The following CLNK variants were observed in gnomAD, a reference collection of about 807,000 sequenced individuals.
The protein encoded by CLNK is cytokine-dependent hematopoietic cell linker.
Under a neutral mutation model 68.6 loss-of-function variants are expected in CLNK, and 74 were observed. That is an observed-to-expected ratio of 1.08 (90% CI 0.89 to 1.31). CLNK has a LOEUF of 1.31. CLNK is among the 50% of genes most tolerant of loss of function. CLNK has a pLI of 0.00. For missense variants in CLNK, 553 were observed against 515.3 expected (o/e 1.07, Z -0.71); for synonymous variants, 198 against 172.2 (o/e 1.15, Z -1.17).
chr4:10,616,365 TTTAAC>T (rs1190995334), intron 2 of CLNK, among the ~76,000 whole-genome samples: 4 of 152,230 alleles, frequency 2.6e-5, no homozygotes, highest in African/African-American at 7.2e-5. Flanking sequence ...ATAAAGCAGA[TTTAAC>T]TTAACAGTAT....
chr4:10,692,010 T>C, the CLNK span: 1 of 152,094 alleles, frequency 6.6e-6, no homozygotes, highest in Non-Finnish European at 1.5e-5. Flanking sequence ...AACTTTCTCA[T>C]TCTCTCTCCC....
At chr4:10,716,994 C>G in the CLNK span, among the ~76,000 whole-genome samples, 1 of 151,350 alleles carries the variant, frequency 6.6e-6, no homozygotes, top group East Asian at 1.9e-4. Flanking sequence ...TAGACAATAA[C>G]TGTCCTATCG....
chr4:10,542,908 A>C (rs1482992205), intron 8 of CLNK, among the ~76,000 whole-genome samples: 1 of 152,148 alleles, frequency 6.6e-6, no homozygotes, highest in Non-Finnish European at 1.5e-5. Context: ...AGCCTGGAAC[A>C]GATTTGTCTG....
chr4:10,677,743 G>A (rs1016701472), intron 1 of CLNK, among the ~76,000 whole-genome samples: 3 of 151,902 alleles, frequency 2.0e-5, no homozygotes, highest in Non-Finnish European at 4.4e-5. Context: ...CCAGCCATGT[G>A]GAACTGTGAG....
chr4:10,717,245 A>G, the CLNK span, among the ~76,000 whole-genome samples: 3 of 152,290 alleles, frequency 2.0e-5, no homozygotes, highest in South Asian at 6.2e-4. Flanking sequence ...TTTCAGCCTC[A>G]TTGAACAGTG....
chr4:10,541,925 A>G, intron 10 of CLNK, 97 bp downstream of exon 10: 1 of 926,256 alleles, frequency 1.1e-6, no homozygotes, highest in Non-Finnish European at 1.6e-6. Flanking sequence ...ATCATATTAG[A>G]TTTTCAATGT....
the CLNK span, among the ~76,000 whole-genome samples, chr4:10,716,129 G>T: frequency 6.6e-6 from 1 of 152,076 alleles, no homozygotes; most frequent in Non-Finnish European, 1.5e-5. Flanking sequence ...AACAATAAGC[G>T]GTTTCTGAAT....
chr4:10,703,165 T>A, the CLNK span, among the ~76,000 whole-genome samples: 1 of 152,206 alleles, frequency 6.6e-6, no homozygotes, highest in African/African-American at 2.4e-5. Context: ...GATAACAGTC[T>A]AAATGTCTAA....
At chr4:10,516,763 C>T (rs575818057) in intron 15 of CLNK, among the ~76,000 whole-genome samples, 1 of 152,286 alleles carries the variant, frequency 6.6e-6, no homozygotes. Flanking sequence ...GCTAGCCAGT[C>T]TGGTCTTGAA....
intron 2 of CLNK, among the ~76,000 whole-genome samples, chr4:10,652,773 G>A (rs73810355): frequency 0.039 from 5,954 of 152,180 alleles, 356 homozygotes; most frequent in African/African-American, 0.13. Flanking sequence ...CAAAATTCTT[G>A]TTGATATTTC....
chr4:10,689,087 C>A (rs1453025818), upstream of CLNK, among the ~76,000 whole-genome samples: 1 of 151,940 alleles, frequency 6.6e-6, no homozygotes, highest in Non-Finnish European at 1.5e-5. Flanking sequence ...CTAACCTTAC[C>A]ACTTTCTCGC....
At chr4:10,711,958 A>G in the CLNK span, among the ~76,000 whole-genome samples, 7 of 152,148 alleles carry the variant, frequency 4.6e-5, no homozygotes, top group Non-Finnish European at 1.0e-4. Flanking sequence ...ACATGGAAAT[A>G]TTGGCTGGGG....
At chr4:10,491,348 G>C (rs1003874563) in intron 18 of CLNK, among the ~76,000 whole-genome samples, 1 of 146,192 alleles carries the variant, frequency 6.8e-6, no homozygotes, top group Non-Finnish European at 1.5e-5. Flanking sequence ...GCTCTGACCA[G>C]CAAAAATATA....
intron 16 of CLNK, among the ~76,000 whole-genome samples, chr4:10,509,826 A>G (rs1315411495): frequency 2.0e-5 from 3 of 152,058 alleles, no homozygotes; most frequent in Non-Finnish European, 4.4e-5. Flanking sequence ...GCACCTGGCC[A>G]AAAAGTCACC....
At chr4:10,677,685 G>A (rs1425184129) in intron 1 of CLNK, among the ~76,000 whole-genome samples, 4 of 152,030 alleles carry the variant, frequency 2.6e-5, no homozygotes, top group Non-Finnish European at 5.9e-5. Flanking sequence ...TTGTGGAGAA[G>A]GTGGCTGCTT....
At chr4:10,492,974 T>A (rs1355597926) in intron 18 of CLNK, among the ~76,000 whole-genome samples, 1 of 152,194 alleles carries the variant, frequency 6.6e-6, no homozygotes, top group Non-Finnish European at 1.5e-5. Context: ...TCTGCAGCAG[T>A]TTCCAATGAG....
chr4:10,725,579 T>C, the CLNK span, among the ~76,000 whole-genome samples: 1 of 152,186 alleles, frequency 6.6e-6, no homozygotes, highest in Non-Finnish European at 1.5e-5. Flanking sequence ...AAACACATTC[T>C]GTAGGACATT....
At chr4:10,502,454 G>A (rs1251520346) in intron 17 of CLNK, among the ~76,000 whole-genome samples, 3 of 152,074 alleles carry the variant, frequency 2.0e-5, no homozygotes, top group Non-Finnish European at 4.4e-5. Flanking sequence ...TACAATTCAA[G>A]ATGAGATCTG....
chr4:10,537,928 A>C (rs574264418), intron 11 of CLNK, among the ~76,000 whole-genome samples: 2 of 151,614 alleles, frequency 1.3e-5, no homozygotes, highest in Non-Finnish European at 2.9e-5. Flanking sequence ...TATAAATAAG[A>C]AAAGAAAACT....
Sources: allele counts gnomAD v4.1 joint callset (sites outside exome capture counted in the v4.1 genomes callset), GRCh38; gene constraint gnomAD v4.1.1; transcripts MANE v1.5; gene names NCBI Gene and HGNC (gene_info 2026-07-23, HGNC 2026-07-21).